Variants in CYP19A1 observed in about 807,000 individuals in gnomAD.
The protein encoded by CYP19A1 is aromatase.
A neutral mutation model predicts 44.4 loss-of-function variants in CYP19A1; 32 were observed. The ratio of observed to expected loss-of-function variants is 0.72; its 90% CI spans 0.54 to 0.97. CYP19A1 has a LOEUF of 0.97. Ranked by LOEUF, CYP19A1 falls within the 50% of genes least tolerant of loss-of-function variation. The pLI is 0.00. For missense variants in CYP19A1, 598 were observed against 637.8 expected, an observed-to-expected ratio of 0.94 and a Z score of 0.67; for synonymous variants, 212 against 215.6, an observed-to-expected ratio of 0.98 and a Z score of 0.14.
chr15:51,287,055 C>T (rs1322911440), intron 1 of CYP19A1, among the ~76,000 whole-genome samples: 2 of 152,160 alleles, frequency 1.3e-5, no homozygotes, highest in African/African-American at 4.8e-5. Context: ...AAGAGTGGAG[C>T]CGCCACCAGG....
intron 9 of CYP19A1, among the ~76,000 whole-genome samples, chr15:51,211,297 G>A (rs776264039): frequency 1.3e-5 from 2 of 152,152 alleles, no homozygotes; most frequent in Admixed American, 6.5e-5. Context: ...ATGTGCTGGG[G>A]TAAAGCAATG....
At chr15:51,235,706 T>C (rs1251918728) in intron 3 of CYP19A1, among the ~76,000 whole-genome samples, 2 of 152,260 alleles carry the variant, frequency 1.3e-5, no homozygotes, top group African/African-American at 2.4e-5. Context: ...GATACCGTGG[T>C]ATTTTATGAG....
At chr15:51,315,680 T>C (rs1284714398) in intron 1 of CYP19A1, among the ~76,000 whole-genome samples, 1 of 152,232 alleles carries the variant, frequency 6.6e-6, no homozygotes, top group Non-Finnish European at 1.5e-5. Context: ...TCAAGGGCAG[T>C]GACTATTCCT....
At chr15:51,302,489 G>A (rs1456643165) in intron 1 of CYP19A1, among the ~76,000 whole-genome samples, 2 of 152,184 alleles carry the variant, frequency 1.3e-5, no homozygotes, top group Admixed American at 6.5e-5. Context: ...CAAAACAGTG[G>A]CCTATTTTCA....
intron 1 of CYP19A1, among the ~76,000 whole-genome samples, chr15:51,308,139 C>A (rs1020115951): frequency 6.6e-6 from 1 of 152,224 alleles, no homozygotes; most frequent in African/African-American, 2.4e-5. Flanking sequence ...CAGGTTCCCG[C>A]AACCCTCCTG....
chr15:51,227,192 G>A (rs926268637), intron 4 of CYP19A1, among the ~76,000 whole-genome samples: 3 of 152,004 alleles, frequency 2.0e-5, no homozygotes, highest in Admixed American at 1.3e-4. Flanking sequence ...GCTATATTCC[G>A]GGCTATCATT....
At chr15:51,253,846 A>G (rs2034416100) in intron 1 of CYP19A1, among the ~76,000 whole-genome samples, 2 of 152,236 alleles carry the variant, frequency 1.3e-5, no homozygotes, top group Admixed American at 6.5e-5. Flanking sequence ...AGATATTAGC[A>G]TACAGACGAA....
At chr15:51,290,922 C>T (rs1016443674) in intron 1 of CYP19A1, among the ~76,000 whole-genome samples, 1 of 152,146 alleles carries the variant, frequency 6.6e-6, no homozygotes, top group East Asian at 1.9e-4. Context: ...GAGCCCAATG[C>T]CCAAGTACAG....
intron 1 of CYP19A1, among the ~76,000 whole-genome samples, chr15:51,331,532 G>T (rs1370626485): frequency 6.6e-6 from 1 of 152,172 alleles, no homozygotes; most frequent in East Asian, 1.9e-4. Context: ...AGTATAGTTA[G>T]CATCTTTTTT....
intron 3 of CYP19A1, among the ~76,000 whole-genome samples, chr15:51,233,005 G>A (rs1268486499): frequency 6.6e-6 from 1 of 152,210 alleles, no homozygotes; most frequent in African/African-American, 2.4e-5. Flanking sequence ...CTTCCACTCA[G>A]GTTCTTGCCT....
At chr15:51,214,293 T>C (rs1403765115) in intron 8 of CYP19A1, among the ~76,000 whole-genome samples, 2 of 152,216 alleles carry the variant, frequency 1.3e-5, no homozygotes, top group African/African-American at 4.8e-5. Flanking sequence ...CTTTCAAAGA[T>C]GGCCTTGTTT....
At position 51,213,709 on chromosome 15, in the gene CYP19A1, G is replaced by A. The variant is rs192279230; in HGVS notation, c.1022-1148C>T. Reference sequence around the variant, plus strand: ...GTCAGGGGAACATTAACATGTACACGTACATTTCACCTCTCAAATAAATGG... The same window carrying A: ...GTCAGGGGAACATTAACATGTACACATACATTTCACCTCTCAAATAAATGG... On this transcript the variant is annotated intron_variant, in intron 8 of 9. Coordinates refer to ENST00000396402, the MANE Select transcript of CYP19A1 (RefSeq NM_000103.4). Among the ~76,000 whole-genome samples the A allele has an allele frequency of 3.9e-5, 6 of 152,270 alleles. No individual in the cohort carries two copies. The East Asian group carries it at 7.7e-4, about 20-fold the overall frequency.
At chr15:51,291,461 A>G (rs1375340247) in intron 1 of CYP19A1, among the ~76,000 whole-genome samples, 1 of 152,230 alleles carries the variant, frequency 6.6e-6, no homozygotes, top group Non-Finnish European at 1.5e-5. Context: ...ACAAGTGCTT[A>G]TTGTATAATG....
chr15:51,218,822 A>G (rs1270220851), intron 5 of CYP19A1, among the ~76,000 whole-genome samples, 167 bp from the exon 6 acceptor site: 1 of 152,220 alleles, frequency 6.6e-6, no homozygotes, highest in Non-Finnish European at 1.5e-5. Flanking sequence ...CCACGTGAAT[A>G]CCACTAGACA....
chr15:51,252,758 T>C (rs897048680), intron 1 of CYP19A1, among the ~76,000 whole-genome samples: 15 of 148,416 alleles, frequency 1.0e-4, no homozygotes, highest in Admixed American at 7.9e-4. Context: ...CAACACTGAG[T>C]AAATCTACAA....
chr15:51,275,857 G>A (rs1290500355), intron 1 of CYP19A1, among the ~76,000 whole-genome samples: 1 of 152,096 alleles, frequency 6.6e-6, no homozygotes, highest in African/African-American at 2.4e-5. Context: ...GGATTCATTT[G>A]TAACATAGAT....
intron 1 of CYP19A1, among the ~76,000 whole-genome samples, chr15:51,266,432 C>G (rs1278646476): frequency 6.6e-6 from 1 of 152,194 alleles, no homozygotes; most frequent in Non-Finnish European, 1.5e-5. Context: ...GGAAGGAGGA[C>G]TGAGTGGGAA....
chr15:51,254,680 G>T (rs1185727634), intron 1 of CYP19A1, among the ~76,000 whole-genome samples: 2 of 151,804 alleles, frequency 1.3e-5, no homozygotes, highest in Non-Finnish European at 2.9e-5. Context: ...TTGTCCTTTC[G>T]GGTCGTCCAT....
intron 8 of CYP19A1, among the ~76,000 whole-genome samples, chr15:51,214,457 T>C (rs1264180109): frequency 6.6e-6 from 1 of 151,966 alleles, no homozygotes; most frequent in Non-Finnish European, 1.5e-5. Flanking sequence ...GAGAGGGAAA[T>C]GTATCACTAC....
Sources: gnomAD v4.1 joint callset for allele counts (sites outside exome capture counted in the v4.1 genomes callset) on GRCh38, gnomAD v4.1.1 for gene constraint, MANE v1.5 for transcripts, NCBI Gene and HGNC (gene_info 2026-07-23, HGNC 2026-07-21) for gene names.